Variants in GEMIN8 observed in about 807,000 individuals in gnomAD.
GEMIN8 encodes gem nuclear organelle associated protein 8.
For synonymous variants in GEMIN8, 80 were observed against 78.5 expected (o/e 1.02, Z -0.10); for missense variants, 185 against 205.9 (o/e 0.90, Z 0.62).
chrX:14,016,596 G>A (rs984086202), intron 4 of GEMIN8, among the ~76,000 whole-genome samples: 2 of 108,799 alleles, frequency 1.8e-5, no homozygotes, highest in Non-Finnish European at 3.8e-5. Flanking sequence ...CTATAATCCA[G>A]CACTTTGGGA....
chrX:14,028,588 T>G (rs1924814274), intron 1 of GEMIN8, among the ~76,000 whole-genome samples: 1 of 107,451 alleles, frequency 9.3e-6, no homozygotes, highest in African/African-American at 3.4e-5. Flanking sequence ...TTCAAAACTT[T>G]CCCCCGTCAT....
chrX:13,987,880 G>T, the GEMIN8 span, among the ~76,000 whole-genome samples: 1 of 111,915 alleles, frequency 8.9e-6, no homozygotes, highest in Non-Finnish European at 1.9e-5. Context: ...CAATCTCTTG[G>T]CTTCCCCCTT....
chrX:14,025,491 C>A (rs762798699), intron 2 of GEMIN8, among the ~76,000 whole-genome samples: 1 of 111,718 alleles, frequency 9.0e-6, no homozygotes, highest in Non-Finnish European at 1.9e-5. Context: ...TCTGAATATA[C>A]TGAGCATCCT....
intron 4 of GEMIN8, chrX:14,013,866 T>C (rs1406689321): frequency 4.2e-6 from 2 of 474,272 alleles, no homozygotes; most frequent in African/African-American, 2.6e-5. Context: ...AGGGTTAATA[T>C]GCATATAGGT....
Position 14,020,526 on chromosome X carries a change from T to C in GEMIN8, c.24A>G (p.Thr8=). 1 of 1,161,845 alleles carries C rather than the reference T, an allele frequency of 8.6e-7. No homozygotes were observed. Among genetic ancestry groups the C allele is most frequent in the South Asian group, 1.8e-5 (1 of 55,424 alleles). The stretch of plus-strand genomic sequence containing the variant: ...AATACCAAGGCCTGGTAGCTTTCGA[T>C]GTTGATGCCTACAAAATGAAAGGAG... MAAVKAS[T]SKATRPWYSH... Residue 8 remains threonine (T), a synonymous_variant, in exon 4 of 5, where the codon ACA becomes ACG. Transcript: ENST00000680255.
At chrX:14,006,340 C>T (rs1219036332), downstream of GEMIN8, among the ~76,000 whole-genome samples, 3 of 110,910 alleles carry the variant, frequency 2.7e-5, no homozygotes, top group Non-Finnish European at 5.7e-5. Context: ...GAGCTAGAGA[C>T]ATCTAATAAG....
At chrX:14,028,053 G>A (rs1337466157) in intron 1 of GEMIN8, among the ~76,000 whole-genome samples, 5 of 112,013 alleles carry the variant, frequency 4.5e-5, no homozygotes, top group African/African-American at 1.6e-4. Flanking sequence ...TACATTTCAG[G>A]CGTCTTATTT....
the GEMIN8 span, among the ~76,000 whole-genome samples, chrX:13,985,033 T>C: frequency 3.0e-4 from 34 of 111,503 alleles, no homozygotes; most frequent in African/African-American, 1.1e-3. Flanking sequence ...CAGGGTCTGC[T>C]ACAGGAGGAA....
At chrX:14,004,813 T>A (rs1923087508), downstream of GEMIN8, among the ~76,000 whole-genome samples, 1 of 111,822 alleles carries the variant, frequency 8.9e-6, no homozygotes, top group Non-Finnish European at 1.9e-5. Flanking sequence ...TCCAACCGCC[T>A]TGGCCTCCCA....
chrX:14,013,742 T>C (rs953373559), intron 4 of GEMIN8, among the ~76,000 whole-genome samples: 3 of 110,168 alleles, frequency 2.7e-5, no homozygotes, highest in Middle Eastern at 9.7e-3. Flanking sequence ...AGAGGGCGTG[T>C]GGTCCTGTTG....
chrX:14,015,866 A>G (rs1369782895), intron 4 of GEMIN8, among the ~76,000 whole-genome samples: 1 of 111,995 alleles, frequency 8.9e-6, no homozygotes, highest in Non-Finnish European at 1.9e-5. Context: ...TCTCTTTATT[A>G]AAGCTTTTTC....
Position 14,008,887 on chromosome X carries a change from G to A in GEMIN8, c.*26C>T. 1 of 1,193,094 alleles carries A rather than the reference G, an allele frequency of 8.4e-7. No individual in the cohort carries two copies. ...AGCGTGTACCCAAAAGGAAGAAGGA[G>A]AGGCTGGGTACCCTGTGCCCTGAGC... On this transcript the variant is annotated 3_prime_UTR_variant, in exon 5 of 5. Coordinates refer to ENST00000680255, the MANE Select transcript of GEMIN8 (RefSeq NM_001042479.2).
intron 4 of GEMIN8, among the ~76,000 whole-genome samples, chrX:14,012,415 G>A (rs1923619745): frequency 1.8e-5 from 2 of 110,790 alleles, no homozygotes; most frequent in African/African-American, 6.6e-5. Flanking sequence ...TAAAGCCACC[G>A]TGCCTGGCCC....
At chrX:13,995,603 T>C in the GEMIN8 span, among the ~76,000 whole-genome samples, 7 of 111,629 alleles carry the variant, frequency 6.3e-5, no homozygotes, top group Non-Finnish European at 1.1e-4. Context: ...CTGCATGTCT[T>C]CTGGAAGTTC....
chrX:14,013,750 T>C (rs778400061), intron 4 of GEMIN8, among the ~76,000 whole-genome samples: 12 of 109,932 alleles, frequency 1.1e-4, no homozygotes, highest in Non-Finnish European at 2.3e-4. Flanking sequence ...TGTGGTCCTG[T>C]TGACCGCTTG....
At chrX:13,999,576 G>A in the GEMIN8 span, among the ~76,000 whole-genome samples, 204 of 111,226 alleles carry the variant, frequency 1.8e-3, no homozygotes, top group African/African-American at 6.0e-3. Flanking sequence ...GCGCCCGGCC[G>A]GCTGTATCTA....
At chrX:14,001,537 CCT>C in the GEMIN8 span, among the ~76,000 whole-genome samples, 30 of 111,022 alleles carry the variant, frequency 2.7e-4, 1 homozygote, top group African/African-American at 8.5e-4. Context: ...CTTTTTTTCC[CCT>C]GAGACAGAGT....
intron 1 of GEMIN8, chrX:14,029,436 C>T (rs1924868482): frequency 8.9e-6 from 1 of 111,983 alleles, no homozygotes; most frequent in Non-Finnish European, 1.9e-5. Flanking sequence ...ACCTGGGCAG[C>T]TTTAAAAACT....
chrX:13,989,226 C>A, the GEMIN8 span, among the ~76,000 whole-genome samples: 3 of 110,614 alleles, frequency 2.7e-5, no homozygotes, highest in Admixed American at 1.9e-4. Context: ...GTAGCTGGGA[C>A]TACAGGTGCA....
Sources: gnomAD v4.1 joint callset for allele counts (sites outside exome capture counted in the v4.1 genomes callset) on GRCh38, gnomAD v4.1.1 for gene constraint, MANE v1.5 for transcripts, NCBI Gene and HGNC (gene_info 2026-07-23, HGNC 2026-07-21) for gene names.